MAP3K5: variants seen among roughly 807,000 people sequenced by gnomAD.
The protein encoded by MAP3K5 is mitogen-activated protein kinase kinase kinase 5, also known as ASK-1.
MAP3K5 carries 56 observed loss-of-function variants against 158.7 expected under a neutral mutation model. The ratio of observed to expected loss-of-function variants is 0.35; its 90% CI spans 0.28 to 0.44. The LOEUF is 0.44. Among genes scored for constraint, MAP3K5 ranks in the 20% least tolerant of loss-of-function variants. The probability of loss-of-function intolerance (pLI) is 1.00; values close to 1 mark genes in which losing one functional copy is unlikely to be tolerated. For synonymous variants in MAP3K5, 579 were observed against 601.7 expected (o/e 0.96, Z 0.55); for missense variants, 1,294 against 1,674.8 (o/e 0.77, Z 3.97).
In MAP3K5 at chr6:136,683,876, T is replaced by C. The variant is rs555919126; in HGVS notation, c.1253+10264A>G. 5.9e-5 allele frequency among the ~76,000 whole-genome samples: 9 copies of C among 152,280 alleles called. No individual in the cohort carries two copies. In the South Asian group the frequency reaches 1.9e-3, roughly 32 times the overall value. On this transcript the variant is annotated intron_variant, in intron 7 of 29. Coordinates refer to ENST00000359015, the MANE Select transcript of MAP3K5 (RefSeq NM_005923.4). Reference sequence around the variant, plus strand: ...GAAAAAATAAGATCTGAAATTTTATTAATCACAGGGCAACACGAAATTCAC... The same window carrying C: ...GAAAAAATAAGATCTGAAATTTTATCAATCACAGGGCAACACGAAATTCAC...
At chr6:136,664,924 C>A (rs1779162135) in intron 8 of MAP3K5, among the ~76,000 whole-genome samples, 1 of 152,112 alleles carries the variant, frequency 6.6e-6, no homozygotes, top group Non-Finnish European at 1.5e-5. Context: ...AAGAGTGAGA[C>A]TCTATCTCAA....
chr6:136,734,134 G>A (rs1297721542), intron 1 of MAP3K5, among the ~76,000 whole-genome samples: 2 of 152,004 alleles, frequency 1.3e-5, no homozygotes, highest in African/African-American at 4.8e-5. Flanking sequence ...ATAGAAATGG[G>A]GGCTGGGTGC....
chr6:136,561,435 T>A, intron 28 of MAP3K5, 98 bp downstream of exon 28: 1 of 840,624 alleles, frequency 1.2e-6, no homozygotes, highest in South Asian at 1.5e-5. Context: ...TGGGTCTGAT[T>A]TGCTCACCAG....
At chr6:136,641,037 T>C (rs1194406505) in intron 12 of MAP3K5, among the ~76,000 whole-genome samples, 11 of 152,236 alleles carry the variant, frequency 7.2e-5, no homozygotes. Context: ...ACAGATATGA[T>C]AAAGTGAAAT....
chr6:136,756,013 A>C (rs1364794493), intron 1 of MAP3K5, among the ~76,000 whole-genome samples: 2 of 152,190 alleles, frequency 1.3e-5, no homozygotes, highest in African/African-American at 4.8e-5. Flanking sequence ...AATGGAGCTA[A>C]GGAGAGAAGA....
At position 136,792,189 on chromosome 6, in the gene MAP3K5, T is replaced by C. The variant is rs879218701; in HGVS notation, c.-32A>G. On this transcript the variant is annotated 5_prime_UTR_variant, in exon 1 of 30. Transcript: ENST00000359015. The surrounding 1 kb of genome is among the most constrained non-coding windows in gnomAD (Gnocchi z 5.7). ...GGGCCGGGCAGCAACGGCGGCGGCG[T>C]CCCCCGCCCAGCCGCACCGCCTGGC... 1 of 1,521,222 alleles carries C rather than the reference T, an allele frequency of 6.6e-7. No individual in the cohort carries two copies. The highest frequency in any genetic ancestry group is 8.8e-7 in the Non-Finnish European group (1 of 1,138,562). The allele number at this position is 1,521,222 out of a possible 1,614,324, so 94.2% of individuals were successfully genotyped here.
chr6:136,779,181 AG>A (rs1784510988), intron 1 of MAP3K5, among the ~76,000 whole-genome samples: 1 of 152,146 alleles, frequency 6.6e-6, no homozygotes, highest in African/African-American at 2.4e-5. Flanking sequence ...TGGGAGGCAG[AG>A]GTTGCAGTGA....
At chr6:136,689,659 A>G (rs1780304848) in intron 7 of MAP3K5, among the ~76,000 whole-genome samples, 4 of 152,174 alleles carry the variant, frequency 2.6e-5, no homozygotes, top group Non-Finnish European at 5.9e-5. Context: ...CTTTTAAAAG[A>G]ACATGTTCAG....
At chr6:136,789,254 G>A (rs1408398769) in intron 1 of MAP3K5, among the ~76,000 whole-genome samples, 2 of 152,188 alleles carry the variant, frequency 1.3e-5, no homozygotes, top group South Asian at 2.1e-4. Context: ...AGCTAGCAGC[G>A]AACCATGATC....
At chr6:136,735,586 T>C (rs1434775530) in intron 1 of MAP3K5, among the ~76,000 whole-genome samples, 2 of 152,184 alleles carry the variant, frequency 1.3e-5, no homozygotes, top group Admixed American at 6.5e-5. Context: ...TTCCCAGCAC[T>C]TTGCGAGGCT....
intron 1 of MAP3K5, among the ~76,000 whole-genome samples, chr6:136,728,781 T>G (rs1782083818): frequency 6.6e-6 from 1 of 152,162 alleles, no homozygotes; most frequent in South Asian, 2.1e-4. Flanking sequence ...TGTATTACAC[T>G]CAAGTGTTTT....
At chr6:136,597,792 C>T (rs1466278948) in intron 21 of MAP3K5, among the ~76,000 whole-genome samples, 2 of 152,210 alleles carry the variant, frequency 1.3e-5, no homozygotes, top group Non-Finnish European at 2.9e-5. Context: ...AATAAACCAT[C>T]CTCACACAGC....
intron 7 of MAP3K5, among the ~76,000 whole-genome samples, chr6:136,685,278 C>A (rs535831788): frequency 6.6e-6 from 1 of 152,144 alleles, no homozygotes; most frequent in African/African-American, 2.4e-5. Context: ...AGATTGTACC[C>A]CTGCACTTGA....
chr6:136,712,105 G>A (rs1781333187), intron 2 of MAP3K5, among the ~76,000 whole-genome samples: 1 of 151,294 alleles, frequency 6.6e-6, no homozygotes, highest in African/African-American at 2.4e-5. Context: ...TCTGCCGTAA[G>A]TAGGTATCTG....
Position 136,792,254 on chromosome 6 carries a change from G to C in MAP3K5, c.-97C>G. Reference sequence around the variant, plus strand: ...GGCTGCTCCGCGCCCGCCGGGCTAAGCAGCTGCCATCGCGCGCCGCGCCCT... The same window carrying C: ...GGCTGCTCCGCGCCCGCCGGGCTAACCAGCTGCCATCGCGCGCCGCGCCCT... On this transcript the variant is annotated 5_prime_UTR_variant, in exon 1 of 30. Coordinates refer to ENST00000359015, the MANE Select transcript of MAP3K5 (RefSeq NM_005923.4). The surrounding 1 kb of genome is among the most constrained non-coding windows in gnomAD (Gnocchi z 5.7). 3.2e-6 allele frequency: 4 copies of C among 1,237,304 alleles called. No individual in the cohort carries two copies. Among genetic ancestry groups the C allele is most frequent in the Non-Finnish European group, 4.0e-6 (4 of 994,430 alleles). The allele number at this position is 1,237,304 out of a possible 1,614,324, so 76.6% of individuals were successfully genotyped here. A position where few individuals can be genotyped will look rare whatever the true frequency, so the allele number is the denominator to read the frequency against.
In MAP3K5 at chr6:136,592,239, G is replaced by C. The variant is rs760213747; in HGVS notation, c.3159C>G (p.Thr1053=). The change falls in exon 23 of 30, where the codon ACC becomes ACG. Residue 1053 remains threonine (T), a synonymous_variant. Transcript: ENST00000359015. ...GGTCTTCCGTCAGGATCCTGTGAAG[G>C]GTAGCTCGCCTCTCACTGTCCTTCC... The part of the protein sequence containing the change: ...MLRKDSERRA[T]LHRILTEDQD... 31 of 1,611,998 alleles carry C rather than the reference G, an allele frequency of 1.9e-5. No homozygotes were observed. Among genetic ancestry groups the C allele is most frequent in the Middle Eastern group, 1.6e-4 (1 of 6,072 alleles).
upstream of MAP3K5, among the ~76,000 whole-genome samples, chr6:136,792,841 C>T (rs1037478190): frequency 6.6e-6 from 1 of 152,226 alleles, no homozygotes; most frequent in African/African-American, 2.4e-5. The surrounding 1 kb of genome is among the most constrained non-coding windows in gnomAD (Gnocchi z 5.7). Flanking sequence ...GACGCTCTCC[C>T]TCTCCACCAC....
intron 2 of MAP3K5, among the ~76,000 whole-genome samples, chr6:136,719,924 TG>T (rs1217447502): frequency 6.6e-6 from 1 of 152,240 alleles, no homozygotes; most frequent in Admixed American, 6.5e-5. Flanking sequence ...CTCCTATTAC[TG>T]GAGAGAATGA....
At chr6:136,630,306 C>T (rs1200332883) in intron 14 of MAP3K5, 1 of 145,470 alleles carries the variant, frequency 6.9e-6, no homozygotes, top group African/African-American at 2.6e-5. Flanking sequence ...CAGAGTTGGG[C>T]CCGATTAAGA....
Sources: gnomAD v4.1 joint callset for allele counts (sites outside exome capture counted in the v4.1 genomes callset) on GRCh38, gnomAD v4.1.1 for gene constraint, Gnocchi (gnomAD v3.1) non-coding constraint, MANE v1.5 for transcripts, NCBI Gene and HGNC (gene_info 2026-07-23, HGNC 2026-07-21) for gene names.